ZNF276: variants seen among roughly 807,000 people sequenced by gnomAD.
ZNF276 encodes zinc finger protein 276.
ZNF276 carries 59 observed loss-of-function variants against 63.9 expected under a neutral mutation model. That is an observed-to-expected ratio of 0.92 (90% CI 0.75 to 1.15). The LOEUF is 1.15. Ranked by LOEUF, ZNF276 falls within the 50% of genes most tolerant of loss-of-function variation. ZNF276 has a pLI of 0.00. For synonymous variants in ZNF276, 496 were observed against 348.4 expected, an observed-to-expected ratio of 1.42 and a Z score of -4.72; for missense variants, 1,084 against 843.8, an observed-to-expected ratio of 1.28 and a Z score of -3.53.
rs1013856130 is a variant in ZNF276, at chr16:89,721,609, C to G, written c.-32C>G. 6 of 1,473,466 alleles carry G rather than the reference C, an allele frequency of 4.1e-6. No individual in the cohort carries two copies. The highest frequency in any genetic ancestry group is 2.3e-5 in the Admixed American group (1 of 42,936). 91.3% of individuals were successfully genotyped at this position (1,473,466 alleles called of 1,614,324 possible). A position where few individuals can be genotyped will look rare whatever the true frequency, so the allele number is the denominator to read the frequency against. ...TCTAGGAACCTCGGGCCGGGCAGCACCCGCGGGATTCTGCTGGCGTCCTCC... is the reference window on the plus strand; with the variant it reads ...TCTAGGAACCTCGGGCCGGGCAGCAGCCGCGGGATTCTGCTGGCGTCCTCC... On this transcript the variant is annotated 5_prime_UTR_variant, in exon 1 of 11. Coordinates refer to ENST00000443381, the MANE Select transcript of ZNF276 (RefSeq NM_001113525.2).
At chr16:89,732,806 C>T (rs2061706082) in intron 6 of ZNF276, 1 of 233,130 alleles carries the variant, frequency 4.3e-6, no homozygotes. Context: ...CGCCCTCACC[C>T]TCTGCTGTGT....
Position 89,738,434 on chromosome 16 carries a change from A to G in ZNF276, c.*188A>G. The G allele has an allele frequency of 7.3e-7, 1 of 1,377,386 alleles. No homozygotes were observed. The highest frequency in any genetic ancestry group is 9.9e-7 in the Non-Finnish European group (1 of 1,009,470). 85.3% of individuals were successfully genotyped at this position (1,377,386 alleles called of 1,614,324 possible). Reference sequence around the variant, plus strand: ...GGACCAGTGGTTTATTTTCCCGCAAACGCTGAGTGACTCGGGGCCGGACAG... The same window carrying G: ...GGACCAGTGGTTTATTTTCCCGCAAGCGCTGAGTGACTCGGGGCCGGACAG... On this transcript the variant is annotated 3_prime_UTR_variant, in exon 11 of 11. Transcript: ENST00000443381.
At chr16:89,732,889 A>C (rs2061712021) in intron 6 of ZNF276, 2 of 227,640 alleles carry the variant, frequency 8.8e-6, no homozygotes, top group African/African-American at 3.4e-5. Context: ...ACCCCGCTGT[A>C]CCCTGCGCCC....
chr16:89,729,371 C>T, intron 6 of ZNF276, 53 bp downstream of exon 6: 1 of 1,506,794 alleles, frequency 6.6e-7, no homozygotes, highest in Non-Finnish European at 9.2e-7. Context: ...GACCTAGACA[C>T]CCGCCTGTGC....
At chr16:89,720,381 CCCCTGTGG>C (rs2061222122), upstream of ZNF276, 1 of 991,214 alleles carries the variant, frequency 1.0e-6, no homozygotes, top group African/African-American at 1.7e-5. Flanking sequence ...TGCATGCCGT[CCCCTGTGG>C]CAACCGGATT....
At chr16:89,736,132 C>T (rs1333803339) in intron 9 of ZNF276, among the ~76,000 whole-genome samples, 1 of 152,180 alleles carries the variant, frequency 6.6e-6, no homozygotes, top group Non-Finnish European at 1.5e-5. Context: ...ACCTTGTGAT[C>T]CACCTGCCTC....
At chr16:89,726,996 A>T (rs1016069078) in intron 4 of ZNF276, among the ~76,000 whole-genome samples, 2 of 152,138 alleles carry the variant, frequency 1.3e-5, no homozygotes, top group African/African-American at 4.8e-5. Flanking sequence ...CTGTCCTAGA[A>T]GGACTGGATC....
rs1233105366 is a variant in ZNF276, at chr16:89,738,308, A to AC, written c.*65dup. The AC allele has an allele frequency of 1.3e-6, 2 of 1,525,736 alleles. No homozygotes were observed. Among genetic ancestry groups the AC allele is most frequent in the Non-Finnish European group, 1.8e-6 (2 of 1,136,700 alleles). The allele number at this position is 1,525,736 out of a possible 1,614,324, so 94.5% of individuals were successfully genotyped here. On this transcript the variant is annotated 3_prime_UTR_variant, in exon 11 of 11. Coordinates refer to ENST00000443381, the MANE Select transcript of ZNF276 (RefSeq NM_001113525.2). The stretch of plus-strand genomic sequence containing the variant: ...ACTCCGCAGTGGCTGTGTCAGCCTC[A>AC]CCCTTCGTGTGCACCCGCATGGGAG...
chr16:89,727,091 T>G (rs2061493112), intron 4 of ZNF276, among the ~76,000 whole-genome samples, 188 bp from the exon 5 acceptor site: 1 of 152,176 alleles, frequency 6.6e-6, no homozygotes, highest in Non-Finnish European at 1.5e-5. Context: ...TTCTGGACGT[T>G]GGGCTGGCAG....
intron 9 of ZNF276, among the ~76,000 whole-genome samples, chr16:89,735,607 C>G (rs986941846): frequency 2.0e-5 from 3 of 152,152 alleles, no homozygotes; most frequent in Non-Finnish European, 4.4e-5. Context: ...TGCAGTGGCT[C>G]ATGCCTGTAA....
At chr16:89,733,639 A>C in intron 8 of ZNF276, 82 bp downstream of exon 8, 1 of 1,522,112 alleles carries the variant, frequency 6.6e-7, no homozygotes, top group South Asian at 1.1e-5. Context: ...CTGCAGCCTA[A>C]CTCAGACTTG....
At chr16:89,720,668 T>C (rs1035607203), upstream of ZNF276, 9 of 1,250,202 alleles carry the variant, frequency 7.2e-6, no homozygotes, top group Middle Eastern at 3.1e-4. Context: ...CTCCCAAGTC[T>C]CCAGCCCGAG....
intron 5 of ZNF276, 71 bp downstream of exon 5, chr16:89,727,428 T>A (rs544230517): frequency 6.5e-7 from 1 of 1,545,842 alleles, no homozygotes; most frequent in South Asian, 1.2e-5. Flanking sequence ...TTCTGAGGGG[T>A]GAGAGAAGAG....
Position 89,739,293 on chromosome 16 carries a change from G to C in ZNF276, c.*1047G>C, listed in dbSNP as rs372364590. The C allele has an allele frequency of 2.5e-6, 4 of 1,614,036 alleles. No individual in the cohort carries two copies. Among genetic ancestry groups the C allele is most frequent in the East Asian group, 2.2e-5 (1 of 44,904 alleles). ...TTCATGGAAGTAGGAGAGAAGACTA[G>C]AGGTAAAGACATAGTGACAAATGGC... On this transcript the variant is annotated 3_prime_UTR_variant, in exon 11 of 11. Coordinates refer to ENST00000443381, the MANE Select transcript of ZNF276 (RefSeq NM_001113525.2).
Position 89,721,785 on chromosome 16 carries a change from C to T in ZNF276, c.145C>T (p.Arg49Cys). The T allele has an allele frequency of 4.8e-6, 6 of 1,259,668 alleles. No individual in the cohort carries two copies. The highest frequency in any genetic ancestry group is 6.0e-6 in the Non-Finnish European group (6 of 1,003,242). 78.0% of individuals were successfully genotyped at this position (1,259,668 alleles called of 1,614,324 possible). The change falls in exon 1 of 11, where the codon CGC becomes TGC. Residue 49 changes from arginine (R) to cysteine (C), a missense_variant. Transcript: ENST00000443381. ...GAGGGTGGACGGGGCGACGGCGCGG[C>T]GCGCCTGGGGCCCGGTGGGGTCCTG... ...GPRVDGATARRAWGPVGSCGD... is the reference protein window; with the variant it reads ...GPRVDGATARCAWGPVGSCGD...
In ZNF276 at chr16:89,738,551, T is replaced by C. The variant is rs145495509; in HGVS notation, c.*305T>C. 1.1e-5 allele frequency: 17 copies of C among 1,611,946 alleles called. No individual in the cohort carries two copies. In the East Asian group the frequency reaches 2.0e-4, roughly 19 times the overall value. ...CAACAAGAGCTCCATGTTATGCTTG[T>C]AATAAATTATTTACACGGGAGCTGG... On this transcript the variant is annotated 3_prime_UTR_variant, in exon 11 of 11. Transcript: ENST00000443381.
At chr16:89,729,141 G>A in intron 5 of ZNF276, 94 bp from the exon 6 acceptor site, 1 of 971,934 alleles carries the variant, frequency 1.0e-6, no homozygotes, top group Non-Finnish European at 1.6e-6. Flanking sequence ...TGTGGGACAT[G>A]GGGGTCCATT....
At chr16:89,729,173 C>CGT in intron 5 of ZNF276, 62 bp from the exon 6 acceptor site, 1 of 1,369,414 alleles carries the variant, frequency 7.3e-7, no homozygotes. Context: ...GGCAGGAGGT[C>CGT]GTGTTGGGTC....
At chr16:89,725,302 C>T (rs2061435637) in intron 4 of ZNF276, among the ~76,000 whole-genome samples, 1 of 151,640 alleles carries the variant, frequency 6.6e-6, no homozygotes. Context: ...CTGCCTCAGC[C>T]TCCCGAGTAG....
Sources: gnomAD v4.1 joint callset for allele counts (sites outside exome capture counted in the v4.1 genomes callset) on GRCh38, gnomAD v4.1.1 for gene constraint, MANE v1.5 for transcripts, NCBI Gene and HGNC (gene_info 2026-07-23, HGNC 2026-07-21) for gene names.